The following AGBL4 variants were observed in gnomAD, a reference collection of about 807,000 sequenced individuals.
The protein encoded by AGBL4 is AGBL carboxypeptidase 4.
AGBL4 carries 58 observed loss-of-function variants against 66.4 expected under a neutral mutation model. That is an observed-to-expected ratio of 0.87 (90% CI 0.71 to 1.09). The LOEUF (loss-of-function observed/expected upper bound fraction) is 1.09, where lower values mean the gene tolerates loss of function less well. Ranked by LOEUF, AGBL4 falls within the 50% of genes least tolerant of loss-of-function variation. AGBL4 has a pLI of 0.00. For missense variants in AGBL4, 579 were observed against 631.0 expected, an observed-to-expected ratio of 0.92 and a Z score of 0.88; for synonymous variants, 234 against 222.9, an observed-to-expected ratio of 1.05 and a Z score of -0.44.
chr1:49,229,324 G>A (rs1043394148), intron 4 of AGBL4, among the ~76,000 whole-genome samples: 1 of 152,154 alleles, frequency 6.6e-6, no homozygotes, highest in African/African-American at 2.4e-5. Context: ...GCCTTTGGTA[G>A]CACTTTACTA....
chr1:49,307,268 G>A (rs543975744), intron 3 of AGBL4, among the ~76,000 whole-genome samples: 7 of 152,134 alleles, frequency 4.6e-5, no homozygotes, highest in African/African-American at 7.2e-5. Flanking sequence ...CCCTCAACAC[G>A]AAGATCCAGT....
chr1:49,002,513 C>T (rs1015650085), intron 5 of AGBL4, among the ~76,000 whole-genome samples: 3 of 152,116 alleles, frequency 2.0e-5, no homozygotes, highest in South Asian at 2.1e-4. Context: ...ATTAAAAGAA[C>T]AATTTCTCTT....
At chr1:50,018,113 A>T in intron 1 of AGBL4, among the ~76,000 whole-genome samples, 1 of 152,306 alleles carries the variant, frequency 6.6e-6, no homozygotes, top group East Asian at 1.9e-4. Flanking sequence ...TTAGGAATTG[A>T]CAATCTTATA....
At chr1:49,039,446 T>A (rs1393635068) in intron 5 of AGBL4, among the ~76,000 whole-genome samples, 2 of 152,058 alleles carry the variant, frequency 1.3e-5, no homozygotes, top group African/African-American at 4.8e-5. Context: ...GGGAAGGAAG[T>A]ATATTGAGAA....
chr1:48,685,433 T>A lies in AGBL4; in HGVS notation c.635-22192A>T, dbSNP rs114670217. On this transcript the variant is annotated intron_variant, in intron 6 of 13. Transcript: ENST00000371839. ...TCTCTTCAGCCTTCTGCCTGTGCCA[T>A]TCCAGGAGTCATGACCCCCCCATAG... is the stretch of plus-strand genomic sequence containing the variant. Among the ~76,000 whole-genome samples, 1,197 of 152,228 alleles carry A rather than the reference T, an allele frequency of 7.9e-3. 17 individuals carry two copies. Among genetic ancestry groups the A allele is most frequent in the African/African-American group, 0.028 (1,151 of 41,526 alleles).
chr1:49,234,624 G>A (rs550034505), intron 4 of AGBL4, among the ~76,000 whole-genome samples: 1 of 151,948 alleles, frequency 6.6e-6, no homozygotes, highest in Non-Finnish European at 1.5e-5. Flanking sequence ...ATTTTTCCAG[G>A]GTCTTTTCCC....
intron 4 of AGBL4, among the ~76,000 whole-genome samples, chr1:49,236,879 G>A (rs1650792964): frequency 6.6e-6 from 1 of 152,036 alleles, no homozygotes; most frequent in African/African-American, 2.4e-5. Flanking sequence ...CGCATGTCAT[G>A]GGAGAAACCT....
At chr1:49,501,079 C>T (rs1477282771) in intron 3 of AGBL4, among the ~76,000 whole-genome samples, 1 of 152,078 alleles carries the variant, frequency 6.6e-6, no homozygotes, top group African/African-American at 2.4e-5. Context: ...TTGTAGAGAT[C>T]TTTCACCTTC....
At chr1:49,586,422 T>C (rs1644648050) in intron 3 of AGBL4, among the ~76,000 whole-genome samples, 1 of 152,188 alleles carries the variant, frequency 6.6e-6, no homozygotes, top group Non-Finnish European at 1.5e-5. Flanking sequence ...ATATGAAAAG[T>C]GGTAGGACAG....
chr1:49,887,152 T>TATGC (rs68005185), intron 1 of AGBL4, among the ~76,000 whole-genome samples: 1 of 145,972 alleles, frequency 6.9e-6, no homozygotes, highest in Non-Finnish European at 1.5e-5. Context: ...TATATATATA[T>TATGC]ACATTGTGTG....
At chr1:49,868,772 G>C (rs1646768471) in intron 1 of AGBL4, among the ~76,000 whole-genome samples, 1 of 152,092 alleles carries the variant, frequency 6.6e-6, no homozygotes, top group South Asian at 2.1e-4. Flanking sequence ...TTAAACTAAA[G>C]AGCTTCTGCA....
At chr1:49,159,391 C>T (rs745385798) in intron 4 of AGBL4, among the ~76,000 whole-genome samples, 4 of 152,224 alleles carry the variant, frequency 2.6e-5, no homozygotes, top group South Asian at 2.1e-4. Flanking sequence ...AATATTGGCC[C>T]GCACTCTCTT....
chr1:48,916,368 C>T (rs1176376100), intron 5 of AGBL4, among the ~76,000 whole-genome samples: 1 of 152,178 alleles, frequency 6.6e-6, no homozygotes, highest in Non-Finnish European at 1.5e-5. Context: ...ACATGCTCTA[C>T]TCACTTTGTT....
chr1:49,531,147 T>G (rs1029264030), intron 3 of AGBL4, among the ~76,000 whole-genome samples: 4 of 152,050 alleles, frequency 2.6e-5, no homozygotes, highest in Non-Finnish European at 5.9e-5. Flanking sequence ...CTTTGGAGAG[T>G]GACTTCACAG....
chr1:49,516,809 G>GTAA (rs1649864412), intron 3 of AGBL4, among the ~76,000 whole-genome samples: 1 of 152,066 alleles, frequency 6.6e-6, no homozygotes, highest in Non-Finnish European at 1.5e-5. Context: ...GAGAGGAAAA[G>GTAA]TAATATCCTT....
At chr1:49,708,084 T>C (rs1204941894) in intron 2 of AGBL4, among the ~76,000 whole-genome samples, 1 of 152,150 alleles carries the variant, frequency 6.6e-6, no homozygotes, top group Non-Finnish European at 1.5e-5. Flanking sequence ...ATTTCCAGAA[T>C]TTGAATGTTG....
intron 3 of AGBL4, among the ~76,000 whole-genome samples, chr1:49,304,547 G>C (rs1644815435): frequency 6.6e-6 from 1 of 152,106 alleles, no homozygotes; most frequent in African/African-American, 2.4e-5. Context: ...GAGATCTAGA[G>C]GTCACCCAGT....
At chr1:49,308,295 T>A (rs1644884069) in intron 3 of AGBL4, among the ~76,000 whole-genome samples, 1 of 152,188 alleles carries the variant, frequency 6.6e-6, no homozygotes, top group African/African-American at 2.4e-5. Flanking sequence ...TTCTATTGAT[T>A]GTACTATATA....
chr1:49,644,433 G>T (rs1000357651), intron 3 of AGBL4, among the ~76,000 whole-genome samples: 1 of 151,466 alleles, frequency 6.6e-6, no homozygotes, highest in Non-Finnish European at 1.5e-5. Flanking sequence ...CAACTACACA[G>T]AAAGGTTAAA....
Sources: allele counts gnomAD v4.1 joint callset (sites outside exome capture counted in the v4.1 genomes callset), GRCh38; gene constraint gnomAD v4.1.1; transcripts MANE v1.5; gene names NCBI Gene and HGNC (gene_info 2026-07-23, HGNC 2026-07-21).